Variants in MACROD2 observed in about 807,000 individuals in gnomAD.
MACROD2 encodes ADP-ribose glycohydrolase MACROD2.
A neutral mutation model predicts 70.4 loss-of-function variants in MACROD2; 36 were observed. The ratio of observed to expected loss-of-function variants is 0.51; its 90% CI spans 0.39 to 0.68. The LOEUF (loss-of-function observed/expected upper bound fraction) is 0.68, where lower values mean the gene tolerates loss of function less well. Ranked by LOEUF, MACROD2 falls within the 30% of genes least tolerant of loss-of-function variation. MACROD2 has a pLI of 0.00. For missense variants in MACROD2, 496 were observed against 538.4 expected (o/e 0.92, Z 0.78); for synonymous variants, 172 against 178.8 (o/e 0.96, Z 0.30).
At chr20:13,998,534 T>A (rs2052691955) in intron 1 of MACROD2, among the ~76,000 whole-genome samples, 1 of 152,214 alleles carries the variant, frequency 6.6e-6, no homozygotes, top group African/African-American at 2.4e-5. Flanking sequence ...TAGCACTGCT[T>A]TGGCATACTG....
At chr20:15,233,601 A>G (rs2076978297) in intron 6 of MACROD2, among the ~76,000 whole-genome samples, 1 of 152,034 alleles carries the variant, frequency 6.6e-6, no homozygotes, top group Non-Finnish European at 1.5e-5. Context: ...AATTCATTAC[A>G]TTTCTGTTCT....
intron 5 of MACROD2, chr20:14,757,846 T>C (rs1320165540): frequency 1.3e-6 from 2 of 1,520,210 alleles, no homozygotes; most frequent in Non-Finnish European, 1.8e-6. Context: ...CTCTATGCCG[T>C]AGCCGTCCAG....
At chr20:14,582,795 G>A (rs1429715482) in intron 4 of MACROD2, among the ~76,000 whole-genome samples, 1 of 152,094 alleles carries the variant, frequency 6.6e-6, no homozygotes, top group Non-Finnish European at 1.5e-5. Context: ...AGCATCAGAT[G>A]TTTGAAACAT....
chr20:14,005,044 A>G (rs2052794778), intron 2 of MACROD2, among the ~76,000 whole-genome samples: 1 of 152,110 alleles, frequency 6.6e-6, no homozygotes, highest in Non-Finnish European at 1.5e-5. Context: ...TTGTTATTAT[A>G]ATACAATAGA....
At chr20:14,928,249 T>C (rs1235577563) in intron 5 of MACROD2, among the ~76,000 whole-genome samples, 1 of 152,218 alleles carries the variant, frequency 6.6e-6, no homozygotes, top group Non-Finnish European at 1.5e-5. Context: ...AGAATTATTC[T>C]ATCCTCACGG....
intron 5 of MACROD2, among the ~76,000 whole-genome samples, chr20:14,864,025 T>G (rs2073401008): frequency 6.6e-6 from 1 of 152,124 alleles, no homozygotes; most frequent in African/African-American, 2.4e-5. Context: ...CTACATGATG[T>G]AGGCTATTTC....
At chr20:15,230,192 G>T in intron 6 of MACROD2, 131 bp downstream of exon 6, 1 of 763,264 alleles carries the variant, frequency 1.3e-6, no homozygotes. Context: ...CTTAGTAGCC[G>T]ATTTGGTTAT....
At chr20:15,944,282 C>T (rs2065789926) in intron 12 of MACROD2, among the ~76,000 whole-genome samples, 1 of 151,806 alleles carries the variant, frequency 6.6e-6, no homozygotes, top group Non-Finnish European at 1.5e-5. Context: ...GTGTTTATTA[C>T]ACAAAAAAAA....
At chr20:14,642,608 A>G (rs1397583777) in intron 4 of MACROD2, among the ~76,000 whole-genome samples, 1 of 152,140 alleles carries the variant, frequency 6.6e-6, no homozygotes, top group Non-Finnish European at 1.5e-5. Flanking sequence ...GCCTAATTTC[A>G]ATATTGTTGT....
At chr20:14,327,060 T>A in intron 3 of MACROD2, 1 of 1,613,798 alleles carries the variant, frequency 6.2e-7, no homozygotes, top group South Asian at 1.1e-5. Flanking sequence ...TGTCTCGGAA[T>A]GCTCCCTCTT....
In MACROD2 at chr20:14,476,330, A is replaced by G. The variant is rs1195844728; in HGVS notation, c.272-17149A>G. Among the ~76,000 whole-genome samples, 7 of 152,146 alleles carry G rather than the reference A, an allele frequency of 4.6e-5. No individual in the cohort carries two copies. The East Asian group carries it at 1.3e-3, about 29-fold the overall frequency. ...CTACTAATCACTTTGTAGCTTAGAA[A>G]TGAATAAATGAGTAAACCTTCATTT... On this transcript the variant is annotated intron_variant, in intron 3 of 17. Transcript: ENST00000684519.
intron 5 of MACROD2, among the ~76,000 whole-genome samples, chr20:14,846,417 G>C (rs2073141405): frequency 6.6e-6 from 1 of 151,410 alleles, no homozygotes; most frequent in Non-Finnish European, 1.5e-5. Flanking sequence ...TAAAGATGGG[G>C]TTTCACCATG....
chr20:15,775,303 A>C (rs1323342045), intron 8 of MACROD2, among the ~76,000 whole-genome samples: 1 of 152,120 alleles, frequency 6.6e-6, no homozygotes, highest in Non-Finnish European at 1.5e-5. Context: ...AGGTGAAGCC[A>C]AGGTCGCAAA....
intron 5 of MACROD2, among the ~76,000 whole-genome samples, chr20:15,224,113 C>T (rs1012082189): frequency 6.6e-6 from 1 of 152,176 alleles, no homozygotes; most frequent in Admixed American, 6.5e-5. Flanking sequence ...TGCTCCAGTG[C>T]CAGCCACCAG....
chr20:15,545,548 G>A (rs1600567994), intron 8 of MACROD2, among the ~76,000 whole-genome samples: 1 of 152,102 alleles, frequency 6.6e-6, no homozygotes, highest in East Asian at 1.9e-4. Flanking sequence ...CAGAATCATA[G>A]GGTCACCTTT....
chr20:14,315,547 A>G (rs6135116), intron 3 of MACROD2, among the ~76,000 whole-genome samples: 1 of 152,248 alleles, frequency 6.6e-6, no homozygotes, highest in East Asian at 1.9e-4. Flanking sequence ...TTAATGAGGC[A>G]TATAGATAAT....
At chr20:15,678,517 G>A (rs1342629964) in intron 8 of MACROD2, among the ~76,000 whole-genome samples, 1 of 151,962 alleles carries the variant, frequency 6.6e-6, no homozygotes, top group Admixed American at 6.6e-5. Context: ...CCGCCACCAT[G>A]CCTGGCTAAT....
intron 5 of MACROD2, chr20:14,888,663 C>T (rs1413656056): frequency 1.3e-5 from 2 of 152,166 alleles, no homozygotes; most frequent in African/African-American, 2.4e-5. Context: ...CAGTGTGAGT[C>T]ACTTATCCTA....
At position 15,409,109 on chromosome 20, in the gene MACROD2, T is replaced by C. The variant is rs149922499; in HGVS notation, c.541-22296T>C. On this transcript the variant is annotated intron_variant, in intron 6 of 17. Coordinates refer to ENST00000684519, the MANE Select transcript of MACROD2 (RefSeq NM_001351661.2). ...AGCTCCCATGCTAGCCAGTTCTGGT[T>C]GGATATAGGTCAGCTGTGTACAAAT... 4.6e-5 allele frequency among the ~76,000 whole-genome samples: 7 copies of C among 152,220 alleles called. No individual in the cohort carries two copies. In the East Asian group the frequency reaches 1.2e-3, roughly 25 times the overall value.
Sources: allele counts gnomAD v4.1 joint callset (sites outside exome capture counted in the v4.1 genomes callset), GRCh38; gene constraint gnomAD v4.1.1; transcripts MANE v1.5; gene names NCBI Gene and HGNC (gene_info 2026-07-23, HGNC 2026-07-21).